The following LRP1B variants were observed in gnomAD, a reference collection of about 807,000 sequenced individuals.
LRP1B encodes low-density lipoprotein receptor-related protein 1B.
A neutral mutation model predicts 556.6 loss-of-function variants in LRP1B; 217 were observed. The observed-to-expected ratio is 0.39, with a 90% CI of 0.35 to 0.44. The LOEUF (loss-of-function observed/expected upper bound fraction) is 0.44, where lower values mean the gene tolerates loss of function less well. Ranked by LOEUF, LRP1B falls within the 20% of genes least tolerant of loss-of-function variation. The pLI, the probability that LRP1B is intolerant of heterozygous loss-of-function variation, is 1.00. For synonymous variants in LRP1B, 2,047 were observed against 1,865.8 expected (o/e 1.10, Z -2.50); for missense variants, 5,053 against 5,620.8 (o/e 0.90, Z 3.23).
At chr2:141,518,887 C>T (rs1031453421) in intron 2 of LRP1B, among the ~76,000 whole-genome samples, 4 of 151,972 alleles carry the variant, frequency 2.6e-5, no homozygotes, top group Non-Finnish European at 5.9e-5. Context: ...GAGGCGGAGG[C>T]TGCAGTGAGC....
chr2:140,318,936 G>GTGGTAGTAATATTAGTAGTAT (rs1333850587), intron 82 of LRP1B, among the ~76,000 whole-genome samples: 2 of 152,076 alleles, frequency 1.3e-5, no homozygotes, highest in Admixed American at 1.3e-4. Flanking sequence ...ACTAATGTCA[G>GTGGTAGTAATATTAGTAGTAT]TGGTAGTAAT....
At chr2:141,289,481 A>G (rs1013291557) in intron 3 of LRP1B, among the ~76,000 whole-genome samples, 5 of 151,934 alleles carry the variant, frequency 3.3e-5, no homozygotes, top group Non-Finnish European at 7.4e-5. Flanking sequence ...GTACTGGAAT[A>G]TATAATACTA....
intron 1 of LRP1B, among the ~76,000 whole-genome samples, chr2:142,084,667 T>C (rs1454749183): frequency 6.6e-6 from 1 of 152,124 alleles, no homozygotes; most frequent in Non-Finnish European, 1.5e-5. Flanking sequence ...CCAACTACTT[T>C]TACCAATAAC....
Position 141,141,211 on chromosome 2 carries a change from C to T in LRP1B, c.1013+47210G>A, listed in dbSNP as rs114717007. Among the ~76,000 whole-genome samples, 1,093 of 152,196 alleles carry T rather than the reference C, an allele frequency of 7.2e-3. 9 individuals are homozygous for T. The highest frequency in any genetic ancestry group is 0.012 in the Non-Finnish European group (843 of 67,990). On this transcript the variant is annotated intron_variant, in intron 7 of 90. Coordinates refer to ENST00000389484, the MANE Select transcript of LRP1B (RefSeq NM_018557.3). ...AGTAAACTTTGTTATGGTTAATCGT[C>T]GGACAAATCAGATCGGATTAATAGT...
intron 16 of LRP1B, 142 bp downstream of exon 16, chr2:140,993,853 T>A: frequency 1.3e-6 from 1 of 779,926 alleles, no homozygotes; most frequent in Non-Finnish European, 2.0e-6. Context: ...GTCTACTCTT[T>A]ATGCAAAAGG....
At chr2:141,058,328 CTTT>C (rs879671521) in intron 9 of LRP1B, among the ~76,000 whole-genome samples, 1 of 151,746 alleles carries the variant, frequency 6.6e-6, no homozygotes, top group Non-Finnish European at 1.5e-5. Flanking sequence ...TTTATATTCT[CTTT>C]TTTTATGTAT....
intron 41 of LRP1B, among the ~76,000 whole-genome samples, chr2:140,641,521 G>C (rs1291798403): frequency 6.6e-6 from 1 of 152,188 alleles, no homozygotes; most frequent in Non-Finnish European, 1.5e-5. Context: ...GCTGGAACTT[G>C]TGACTTTCTC....
chr2:141,073,867 C>G (rs1028449089), intron 7 of LRP1B, among the ~76,000 whole-genome samples: 2 of 152,064 alleles, frequency 1.3e-5, no homozygotes, highest in East Asian at 3.9e-4. Context: ...TTATCTCTTT[C>G]TCTGCTCCTC....
At chr2:141,118,100 T>A (rs1168615300) in intron 7 of LRP1B, among the ~76,000 whole-genome samples, 1 of 151,932 alleles carries the variant, frequency 6.6e-6, no homozygotes, top group East Asian at 1.9e-4. Context: ...TTACTATACA[T>A]GGAAACTGTG....
chr2:140,865,946 A>G (rs781261657), intron 27 of LRP1B, among the ~76,000 whole-genome samples: 3 of 152,080 alleles, frequency 2.0e-5, no homozygotes, highest in Non-Finnish European at 2.9e-5. Flanking sequence ...TTCCTGTTCT[A>G]TGAATTTACT....
At chr2:140,233,365 T>C in intron 90 of LRP1B, 39 bp from the exon 91 acceptor site, 1 of 1,437,630 alleles carries the variant, frequency 7.0e-7, no homozygotes, top group East Asian at 2.5e-5. Context: ...TTATTACTGG[T>C]CTTGGCCACA....
chr2:142,078,683 C>T (rs759643785), intron 1 of LRP1B, among the ~76,000 whole-genome samples: 12 of 152,038 alleles, frequency 7.9e-5, no homozygotes, highest in Non-Finnish European at 1.5e-4. Flanking sequence ...ATTCCTATTA[C>T]CCTTTAAAAA....
In LRP1B at chr2:140,984,508, T is replaced by A. The variant is rs180778377; in HGVS notation, c.2771-2232A>T. On this transcript the variant is annotated intron_variant, in intron 17 of 90. Coordinates refer to ENST00000389484, the MANE Select transcript of LRP1B (RefSeq NM_018557.3). ...TTTATTTGACATTCTTATGTCACTG[T>A]ATTCTTGCCTAATAATTCAGGTTTA... is the stretch of plus-strand genomic sequence containing the variant. 4.7e-4 allele frequency among the ~76,000 whole-genome samples: 71 copies of A among 152,258 alleles called. 2 individuals carry two copies. In the East Asian group the frequency reaches 0.012, roughly 25 times the overall value.
chr2:141,842,647 A>G (rs1305934196), intron 1 of LRP1B, among the ~76,000 whole-genome samples: 3 of 152,156 alleles, frequency 2.0e-5, no homozygotes, highest in Non-Finnish European at 4.4e-5. Context: ...GTAAGTGGTT[A>G]ATAAATATTT....
intron 1 of LRP1B, among the ~76,000 whole-genome samples, chr2:142,100,353 A>C (rs1706529986): frequency 6.6e-6 from 1 of 151,960 alleles, no homozygotes; most frequent in Non-Finnish European, 1.5e-5. Context: ...CACTCTGTCA[A>C]CATTTTATTC....
At position 140,378,047 on chromosome 2, in the gene LRP1B, T is replaced by C. The variant is rs1683310766; in HGVS notation, c.10638+133A>G. The C allele has an allele frequency of 6.3e-6, 4 of 634,836 alleles. No individual in the cohort carries two copies. In the South Asian group the frequency reaches 7.9e-5, roughly 13 times the overall value. 39.3% of individuals were successfully genotyped at this position (634,836 alleles called of 1,614,324 possible). ...GGATGTGAAGCACAGCACATGGATA[T>C]AATACTTATCTCAATGTGTCAGGAG... On this transcript the variant is annotated intron_variant, in intron 68 of 90. Transcript: ENST00000389484.
At chr2:141,887,488 T>A (rs1157852220) in intron 1 of LRP1B, among the ~76,000 whole-genome samples, 1 of 152,182 alleles carries the variant, frequency 6.6e-6, no homozygotes, top group Non-Finnish European at 1.5e-5. Flanking sequence ...CAGTGCATAA[T>A]CATTGTTGAC....
At chr2:140,593,298 AG>A (rs1427585417) in intron 43 of LRP1B, among the ~76,000 whole-genome samples, 1 of 152,194 alleles carries the variant, frequency 6.6e-6, no homozygotes, top group African/African-American at 2.4e-5. Context: ...TCTTTTGGAA[AG>A]GTTTGTATCA....
intron 2 of LRP1B, among the ~76,000 whole-genome samples, chr2:141,492,120 A>C (rs2105114724): frequency 6.8e-6 from 1 of 147,964 alleles, no homozygotes; most frequent in South Asian, 2.1e-4. Context: ...TTGATGACTA[A>C]GTATAAAAGA....
Sources: allele counts gnomAD v4.1 joint callset (sites outside exome capture counted in the v4.1 genomes callset), GRCh38; gene constraint gnomAD v4.1.1; transcripts MANE v1.5; gene names NCBI Gene and HGNC (gene_info 2026-07-23, HGNC 2026-07-21).